The following ATP9A variants were observed in gnomAD, a reference collection of about 807,000 sequenced individuals.
ATP9A encodes probable phospholipid-transporting ATPase IIA.
ATP9A carries 52 observed loss-of-function variants against 144.1 expected under a neutral mutation model. The ratio of observed to expected loss-of-function variants is 0.36; its 90% CI spans 0.29 to 0.45. ATP9A has a LOEUF of 0.45. ATP9A is among the 20% of genes least tolerant of loss of function. The pLI, the probability that ATP9A is intolerant of heterozygous loss-of-function variation, is 1.00. For missense variants in ATP9A, 947 were observed against 1,392.7 expected, an observed-to-expected ratio of 0.68 and a Z score of 5.09; for synonymous variants, 582 against 557.4, an observed-to-expected ratio of 1.04 and a Z score of -0.62.
chr20:51,712,376 A>C (rs1278343221), intron 4 of ATP9A, among the ~76,000 whole-genome samples: 4 of 152,160 alleles, frequency 2.6e-5, no homozygotes, highest in African/African-American at 9.6e-5. Flanking sequence ...ACTGGGCCAA[A>C]ATTTCAATTT....
intron 4 of ATP9A, among the ~76,000 whole-genome samples, chr20:51,710,433 T>C (rs1240498992): frequency 6.6e-6 from 1 of 152,196 alleles, no homozygotes; most frequent in Non-Finnish European, 1.5e-5. Context: ...AAGGAAATAT[T>C]ATGAAGGAAT....
At chr20:51,602,031 T>C (rs1260811345) in intron 27 of ATP9A, among the ~76,000 whole-genome samples, 3 of 152,044 alleles carry the variant, frequency 2.0e-5, no homozygotes, top group African/African-American at 4.8e-5. Flanking sequence ...GAGCAGAAAA[T>C]GACATTCAAA....
rs549997400 is a variant in ATP9A at position 51,651,707 on chromosome 20, T to C, written c.1506+5231A>G. ...ACTTTGGGAGGCTGAGGTGAGTGGA[T>C]CATTTGAGGTTAGGAGTTTGAGACC... is the stretch of plus-strand genomic sequence containing the variant. On this transcript the variant is annotated intron_variant, in intron 14 of 27. Coordinates refer to ENST00000338821, the MANE Select transcript of ATP9A (RefSeq NM_006045.3). Among the ~76,000 whole-genome samples, 28 of 152,060 alleles carry C rather than the reference T, an allele frequency of 1.8e-4. 2 individuals carry two copies. The South Asian group carries it at 5.6e-3, about 30-fold the overall frequency.
chr20:51,651,156 A>ATATATATATATATG (rs11268017), intron 14 of ATP9A, among the ~76,000 whole-genome samples: 1 of 126,954 alleles, frequency 7.9e-6, no homozygotes, highest in Admixed American at 8.8e-5. Flanking sequence ...CTCTCTCCAT[A>ATATATATATATATG]TATATATATA....
intron 26 of ATP9A, among the ~76,000 whole-genome samples, chr20:51,606,829 G>C (rs1261089953): frequency 6.6e-6 from 1 of 151,872 alleles, no homozygotes; most frequent in Non-Finnish European, 1.5e-5. Context: ...GGCGAGCCGT[G>C]ATTGCTCCAC....
chr20:51,727,367 C>G (rs942258507), intron 2 of ATP9A, among the ~76,000 whole-genome samples: 3 of 151,792 alleles, frequency 2.0e-5, no homozygotes, highest in African/African-American at 7.3e-5. Context: ...TGGCAAATGG[C>G]TTGAGCTCAA....
chr20:51,732,118 G>C (rs533543209), intron 1 of ATP9A, among the ~76,000 whole-genome samples: 1 of 152,078 alleles, frequency 6.6e-6, no homozygotes, highest in Non-Finnish European at 1.5e-5. Flanking sequence ...ACCCTCCCAC[G>C]AGGCAAAGGA....
chr20:51,764,688 T>C (rs185435026), intron 1 of ATP9A, among the ~76,000 whole-genome samples: 8 of 152,256 alleles, frequency 5.3e-5, no homozygotes, highest in African/African-American at 1.9e-4. Flanking sequence ...AACACATTAA[T>C]ATCAGTGAAT....
Position 51,600,496 on chromosome 20 carries a change from A to C in ATP9A, c.*715T>G, listed in dbSNP as rs951700709. 1.2e-4 allele frequency: 19 copies of C among 152,176 alleles called. No homozygotes were observed. The highest frequency in any genetic ancestry group is 3.9e-4 in the African/African-American group (16 of 41,438). 9.4% of individuals were successfully genotyped at this position (152,176 alleles called of 1,614,324 possible). On this transcript the variant is annotated 3_prime_UTR_variant, in exon 28 of 28. Transcript: ENST00000338821. ...CTCTGAAATTCTTTTACGAGGTGGC[A>C]GGTGAAGTTAACTCACACACTATGG...
intron 9 of ATP9A, among the ~76,000 whole-genome samples, chr20:51,686,721 G>A (rs971781978): frequency 1.3e-5 from 2 of 152,162 alleles, no homozygotes; most frequent in Non-Finnish European, 2.9e-5. Flanking sequence ...GATCACCTGA[G>A]GTCAGGAGTT....
At chr20:51,698,194 G>A (rs910245878) in intron 4 of ATP9A, among the ~76,000 whole-genome samples, 5 of 152,150 alleles carry the variant, frequency 3.3e-5, no homozygotes, top group Non-Finnish European at 7.3e-5. Flanking sequence ...TGACTCCACA[G>A]TACAGAATAA....
chr20:51,722,017 G>A (rs904131764), intron 3 of ATP9A, among the ~76,000 whole-genome samples: 1 of 152,008 alleles, frequency 6.6e-6, no homozygotes, highest in African/African-American at 2.4e-5. Context: ...ACAGAATAGA[G>A]AACCCAGAAA....
rs1442324337 is a variant in ATP9A, at chr20:51,627,962, A to AC, written c.1762-280dup. Among the ~76,000 whole-genome samples the AC allele has an allele frequency of 3.3e-5, 5 of 152,296 alleles. 1 individual carries two copies. Among genetic ancestry groups the AC allele is most frequent in the Admixed American group, 3.3e-4 (5 of 15,294 alleles). ...AAGTCAACATTGTGCGGTCTCACACACAAATCTGGACTGCTGAATGGGTGG... is the reference window on the plus strand; with the variant it reads ...AAGTCAACATTGTGCGGTCTCACACACCAAATCTGGACTGCTGAATGGGTGG... On this transcript the variant is annotated intron_variant, in intron 16 of 27. Transcript: ENST00000338821.
At chr20:51,702,236 G>C (rs1156335929) in intron 4 of ATP9A, among the ~76,000 whole-genome samples, 1 of 150,824 alleles carries the variant, frequency 6.6e-6, no homozygotes, top group Non-Finnish European at 1.5e-5. Flanking sequence ...AAAGGCGGAG[G>C]CTGCAGTGAG....
chr20:51,714,358 T>C (rs2077652993), intron 3 of ATP9A, among the ~76,000 whole-genome samples: 2 of 151,732 alleles, frequency 1.3e-5, no homozygotes, highest in Admixed American at 6.6e-5. Flanking sequence ...CTAATTTTTG[T>C]ATTTTTGGTA....
intron 4 of ATP9A, among the ~76,000 whole-genome samples, chr20:51,709,493 C>T (rs750722871): frequency 1.3e-5 from 2 of 151,774 alleles, no homozygotes; most frequent in Admixed American, 6.6e-5. Context: ...CCAGCCTGCG[C>T]GAGGGGGTTC....
intron 24 of ATP9A, among the ~76,000 whole-genome samples, 190 bp from the exon 25 acceptor site, chr20:51,608,816 A>G (rs1400684849): frequency 6.6e-6 from 1 of 152,214 alleles, no homozygotes; most frequent in Non-Finnish European, 1.5e-5. Flanking sequence ...TGCCCTGAAG[A>G]GCTTTCATCC....
chr20:51,610,275 G>T (rs536812427), intron 23 of ATP9A, 110 bp from the exon 24 acceptor site: 55 of 787,564 alleles, frequency 7.0e-5, no homozygotes, highest in Middle Eastern at 2.3e-4. Flanking sequence ...CGGCACTGCT[G>T]TAAGGTACTT....
At chr20:51,627,257 T>C (rs1185537015) in intron 17 of ATP9A, among the ~76,000 whole-genome samples, 1 of 152,024 alleles carries the variant, frequency 6.6e-6, no homozygotes, top group East Asian at 1.9e-4. Context: ...TGGCCCCAAA[T>C]GGTAGCACGC....
Sources: gnomAD v4.1 joint callset for allele counts (sites outside exome capture counted in the v4.1 genomes callset) on GRCh38, gnomAD v4.1.1 for gene constraint, MANE v1.5 for transcripts, NCBI Gene and HGNC (gene_info 2026-07-23, HGNC 2026-07-21) for gene names.